SYT16: variants seen among roughly 807,000 people sequenced by gnomAD.
SYT16 encodes synaptotagmin-16.
Under a neutral mutation model 61.4 loss-of-function variants are expected in SYT16, and 42 were observed. That is an observed-to-expected ratio of 0.68 (90% CI 0.53 to 0.89). The LOEUF (loss-of-function observed/expected upper bound fraction) is 0.89. Among genes scored for constraint, SYT16 ranks in the 40% least tolerant of loss-of-function variants. SYT16 has a pLI of 0.00. For synonymous variants in SYT16, 314 were observed against 302.3 expected (o/e 1.04, Z -0.40); for missense variants, 804 against 807.3 (o/e 1.00, Z 0.05).
At chr14:62,074,239 G>T (rs1475061913) in intron 4 of SYT16, among the ~76,000 whole-genome samples, 1 of 152,182 alleles carries the variant, frequency 6.6e-6, no homozygotes, top group South Asian at 2.1e-4. Flanking sequence ...GAGGTGAGGG[G>T]TGCTGAGAGA....
intron 7 of SYT16, among the ~76,000 whole-genome samples, chr14:62,089,474 T>G (rs2057001397): frequency 6.7e-6 from 1 of 150,332 alleles, no homozygotes; most frequent in Non-Finnish European, 1.5e-5. Flanking sequence ...TCAATCATCT[T>G]TTGGTGAAAA....
chr14:61,970,951 C>G (rs1484789001), intron 2 of SYT16, among the ~76,000 whole-genome samples: 1 of 148,166 alleles, frequency 6.7e-6, no homozygotes, highest in Non-Finnish European at 1.5e-5. Flanking sequence ...TTTTTTTTAT[C>G]AGTCTGATTA....
chr14:61,832,277 A>T, intron 1 of SYT16: 1 of 594,904 alleles, frequency 1.7e-6, no homozygotes, highest in Non-Finnish European at 3.3e-6. Flanking sequence ...GCGCATAGTC[A>T]TCGCTCTTCA....
chr14:61,852,907 T>C (rs1252528656), intron 1 of SYT16, among the ~76,000 whole-genome samples: 1 of 152,184 alleles, frequency 6.6e-6, no homozygotes, highest in African/African-American at 2.4e-5. Flanking sequence ...TTATTGATGA[T>C]TTAAAGCATG....
At chr14:61,857,497 T>C (rs577844172) in intron 1 of SYT16, among the ~76,000 whole-genome samples, 2 of 152,284 alleles carry the variant, frequency 1.3e-5, no homozygotes, top group South Asian at 4.1e-4. Flanking sequence ...AAAGTGAGTT[T>C]CCCTAGTGAC....
intron 3 of SYT16, among the ~76,000 whole-genome samples, chr14:62,057,868 A>T (rs1370024495): frequency 1.3e-5 from 2 of 151,912 alleles, no homozygotes; most frequent in African/African-American, 4.9e-5. Flanking sequence ...TGAAACAAAT[A>T]CCACAGTCAA....
At chr14:61,860,933 C>G (rs1243461798) in intron 1 of SYT16, among the ~76,000 whole-genome samples, 3 of 152,106 alleles carry the variant, frequency 2.0e-5, no homozygotes, top group Non-Finnish European at 4.4e-5. Context: ...GGAGACTGAC[C>G]ATGGCATTTT....
chr14:61,947,153 A>G (rs554574196), intron 1 of SYT16, among the ~76,000 whole-genome samples: 13 of 152,116 alleles, frequency 8.5e-5, no homozygotes, highest in Non-Finnish European at 1.8e-4. Context: ...GCAGCAGAGA[A>G]TGGTAAAGCC....
At chr14:62,036,736 T>C (rs1356897506) in intron 3 of SYT16, among the ~76,000 whole-genome samples, 1 of 152,016 alleles carries the variant, frequency 6.6e-6, no homozygotes, top group African/African-American at 2.4e-5. Flanking sequence ...TTCACTAGCA[T>C]GAGAAAAGCA....
At chr14:61,878,907 G>A (rs972260051) in intron 1 of SYT16, among the ~76,000 whole-genome samples, 1 of 152,154 alleles carries the variant, frequency 6.6e-6, no homozygotes, top group Non-Finnish European at 1.5e-5. Flanking sequence ...GGCGCTATTA[G>A]GGGATTTATC....
At chr14:61,964,703 A>G (rs1055588176) in intron 1 of SYT16, among the ~76,000 whole-genome samples, 2 of 152,176 alleles carry the variant, frequency 1.3e-5, no homozygotes, top group Admixed American at 6.5e-5. Context: ...CTCAAACAGC[A>G]TCATATGCTA....
chr14:61,917,364 G>A (rs907112711), intron 1 of SYT16, among the ~76,000 whole-genome samples: 3 of 152,068 alleles, frequency 2.0e-5, no homozygotes, highest in South Asian at 2.1e-4. Context: ...TCATCCTCTG[G>A]GCCACAGGGA....
intron 1 of SYT16, among the ~76,000 whole-genome samples, chr14:61,902,837 C>A (rs748648307): frequency 1.3e-5 from 2 of 152,192 alleles, no homozygotes; most frequent in Non-Finnish European, 2.9e-5. Context: ...TTGGTTTCCC[C>A]TTACAAAGCC....
At chr14:61,834,289 C>G (rs1036489636) in intron 1 of SYT16, among the ~76,000 whole-genome samples, 1 of 151,894 alleles carries the variant, frequency 6.6e-6, no homozygotes, top group Non-Finnish European at 1.5e-5. Context: ...TGCCACCATG[C>G]CTGGCTAATT....
At chr14:62,006,675 A>T (rs2053239074) in intron 3 of SYT16, among the ~76,000 whole-genome samples, 1 of 152,194 alleles carries the variant, frequency 6.6e-6, no homozygotes, top group African/African-American at 2.4e-5. Flanking sequence ...TCATCCCAAG[A>T]TAGGCTTTTT....
intron 1 of SYT16, among the ~76,000 whole-genome samples, chr14:61,961,519 T>C (rs1442913290): frequency 2.0e-5 from 3 of 152,160 alleles, no homozygotes; most frequent in Non-Finnish European, 4.4e-5. Flanking sequence ...GAAAAAATGC[T>C]CAATGTCACT....
At chr14:62,006,585 A>G (rs958552702) in intron 3 of SYT16, among the ~76,000 whole-genome samples, 1 of 152,152 alleles carries the variant, frequency 6.6e-6, no homozygotes, top group Non-Finnish European at 1.5e-5. Flanking sequence ...CTGGTTGCCA[A>G]TAGTAATGTA....
intron 3 of SYT16, among the ~76,000 whole-genome samples, chr14:62,036,232 G>A (rs1285283023): frequency 6.6e-6 from 1 of 152,118 alleles, no homozygotes; most frequent in African/African-American, 2.4e-5. Context: ...GTTAAAGTTG[G>A]AAATGAGAGT....
intron 7 of SYT16, among the ~76,000 whole-genome samples, chr14:62,092,425 C>G (rs897643730): frequency 5.3e-5 from 8 of 152,194 alleles, no homozygotes; most frequent in Admixed American, 4.6e-4. Flanking sequence ...GAAATTTGTA[C>G]ACCCATGTTC....
Sources: allele counts gnomAD v4.1 joint callset (sites outside exome capture counted in the v4.1 genomes callset), GRCh38; gene constraint gnomAD v4.1.1; transcripts MANE v1.5; gene names NCBI Gene and HGNC (gene_info 2026-07-23, HGNC 2026-07-21).